The following OPA3 variants were observed in gnomAD, a reference collection of about 807,000 sequenced individuals.
OPA3 encodes the protein outer mitochondrial membrane lipid metabolism regulator OPA3, also known as optic atrophy 3 protein.
In OPA3, 6 loss-of-function variants were observed where a neutral mutation model predicts 4.0. That is an observed-to-expected ratio of 1.51 (90% CI 0.83 to 2.99). The LOEUF is 2.99. OPA3 is among the 30% of genes most tolerant of loss of function. OPA3 has a pLI of 0.00. For missense variants in OPA3, 235 were observed against 256.2 expected (o/e 0.92, Z 0.56); for synonymous variants, 105 against 117.1 (o/e 0.90, Z 0.67).
At chr19:45,572,475 TAATC>T (rs1385747530) in intron 1 of OPA3, among the ~76,000 whole-genome samples, 2 of 133,034 alleles carry the variant, frequency 1.5e-5, no homozygotes, top group Non-Finnish European at 3.2e-5. Context: ...TATCATATAA[TAATC>T]ATATATATCG....
At chr19:45,537,396 C>CAAAAAAAAAAAAAAAA (rs1181396046) in intron 1 of OPA3, among the ~76,000 whole-genome samples, 8 of 28,906 alleles carry the variant, frequency 2.8e-4, no homozygotes, top group Admixed American at 5.6e-4. Context: ...GACTCTGTCT[C>CAAAAAAAAAAAAAAAA]AAAAAAAAAA....
At chr19:45,536,535 T>C (rs1599951044) in intron 1 of OPA3, among the ~76,000 whole-genome samples, 1 of 133,444 alleles carries the variant, frequency 7.5e-6, no homozygotes, top group Non-Finnish European at 1.5e-5. Flanking sequence ...GCGACAAGAG[T>C]GAAACTCTGT....
rs576596522 is a variant in OPA3 at position 45,576,540 on chromosome 19, C to T, written c.142+8083G>A. ...GCAACAAGAATGAAACTCCATCCCC[C>T]CCCCCCCAAAAAAAAAAGTCCAAAA... On this transcript the variant is annotated intron_variant, in intron 1 of 1. Coordinates refer to ENST00000263275, the MANE Select transcript of OPA3 (RefSeq NM_025136.4). Among the ~76,000 whole-genome samples the T allele has an allele frequency of 4.2e-4, 52 of 124,434 alleles. No homozygotes were observed. In the East Asian group the frequency reaches 6.9e-3, roughly 17 times the overall value. The allele number at this position is 124,434 out of a possible 152,430, so 81.6% of individuals were successfully genotyped here.
intron 1 of OPA3, among the ~76,000 whole-genome samples, chr19:45,530,329 G>C (rs966769036): frequency 2.0e-5 from 3 of 152,118 alleles, no homozygotes; most frequent in African/African-American, 7.2e-5. Flanking sequence ...ACTCCAGCCT[G>C]GGAGACAGAG....
At position 45,546,495 on chromosome 19, in the gene OPA3, T is replaced by A; in HGVS notation, c.*7019A>T. On this transcript the variant is annotated 3_prime_UTR_variant, in exon 2 of 2. Coordinates refer to ENST00000263275, the MANE Select transcript of OPA3 (RefSeq NM_025136.4). Reference sequence around the variant, plus strand: ...TATGCACACGATGGATTACATAAACTCTGCTTTTTTTTTTTTTTGAGACAG... The same window carrying A: ...TATGCACACGATGGATTACATAAACACTGCTTTTTTTTTTTTTTGAGACAG... 5.1e-6 allele frequency: 3 copies of A among 593,142 alleles called. No individual in the cohort carries two copies. The highest frequency in any genetic ancestry group is 6.4e-6 in the Non-Finnish European group (3 of 472,350). The allele number at this position is 593,142 out of a possible 1,614,324, so 36.7% of individuals were successfully genotyped here.
chr19:45,573,438 C>T (rs138344713), intron 1 of OPA3, among the ~76,000 whole-genome samples: 3 of 151,972 alleles, frequency 2.0e-5, no homozygotes, highest in East Asian at 1.9e-4. Flanking sequence ...GCAACAAGAG[C>T]GAAACTCTGT....
chr19:45,539,735 C>T (rs1014539068), intron 1 of OPA3, among the ~76,000 whole-genome samples: 19 of 149,226 alleles, frequency 1.3e-4, no homozygotes, highest in Middle Eastern at 3.4e-3. Flanking sequence ...GCCTGGGCGA[C>T]AGAGCCAGAC....
At chr19:45,572,081 G>T (rs1346667026) in intron 1 of OPA3, among the ~76,000 whole-genome samples, 1 of 143,848 alleles carries the variant, frequency 7.0e-6, no homozygotes, top group East Asian at 2.0e-4. Flanking sequence ...CATGGTGGCT[G>T]CTTTTTTCAT....
At chr19:45,528,763 G>A in exon 2 of OPA3, 1 of 383,480 alleles carries the variant, frequency 2.6e-6, no homozygotes, top group Non-Finnish European at 4.7e-6. Flanking sequence ...GATAAAAGAC[G>A]CTGTCTTTCC....
At position 45,547,547 on chromosome 19, in the gene OPA3, TCA is replaced by T. The variant is rs1969268091; in HGVS notation, c.*5965_*5966del. 6.6e-6 allele frequency: 1 copy of T among 152,524 alleles called. No homozygotes were observed. The highest frequency in any genetic ancestry group is 2.4e-5 in the African/African-American group (1 of 41,430). 9.4% of individuals were successfully genotyped at this position (152,524 alleles called of 1,614,324 possible). ...CAAGGCCACATCTGTCCTAGGACTT[TCA>T]CAGATACTCACAGCCCTCTTCCTAT... On this transcript the variant is annotated 3_prime_UTR_variant, in exon 2 of 2. Coordinates refer to ENST00000263275, the MANE Select transcript of OPA3 (RefSeq NM_025136.4).
In OPA3 at chr19:45,548,385, C is replaced by T; in HGVS notation, c.*5129G>A. 1 of 985,562 alleles carries T rather than the reference C, an allele frequency of 1.0e-6. No individual in the cohort carries two copies. Among genetic ancestry groups the T allele is most frequent in the Non-Finnish European group, 1.2e-6 (1 of 830,044 alleles). 61.1% of individuals were successfully genotyped at this position (985,562 alleles called of 1,614,324 possible). ...AGGGCCTGCCAGGAGATGGGAGGGGCACAGCCCTCAGGGCACCTCCCAGGG... is the reference window on the plus strand; with the variant it reads ...AGGGCCTGCCAGGAGATGGGAGGGGTACAGCCCTCAGGGCACCTCCCAGGG... On this transcript the variant is annotated 3_prime_UTR_variant, in exon 2 of 2. Coordinates refer to ENST00000263275, the MANE Select transcript of OPA3 (RefSeq NM_025136.4).
intron 1 of OPA3, among the ~76,000 whole-genome samples, chr19:45,581,249 C>T (rs1375450676): frequency 1.3e-5 from 2 of 152,110 alleles, no homozygotes; most frequent in African/African-American, 4.8e-5. Context: ...CACCAAACAC[C>T]GAACAACCAA....
At chr19:45,536,590 A>G (rs944897813) in intron 1 of OPA3, among the ~76,000 whole-genome samples, 2 of 152,088 alleles carry the variant, frequency 1.3e-5, no homozygotes, top group African/African-American at 4.8e-5. Flanking sequence ...AAGGGCCAAG[A>G]ATAGTAATAC....
intron 1 of OPA3, among the ~76,000 whole-genome samples, chr19:45,581,165 A>G (rs1969849448): frequency 6.6e-6 from 1 of 152,150 alleles, no homozygotes; most frequent in African/African-American, 2.4e-5. Context: ...TGAGATGGCT[A>G]ACAGGAAAGC....
At position 45,551,759 on chromosome 19, in the gene OPA3, C is replaced by A; in HGVS notation, c.*1755G>T. 3.0e-6 allele frequency: 3 copies of A among 985,514 alleles called. No homozygotes were observed. Among genetic ancestry groups the A allele is most frequent in the Non-Finnish European group, 3.6e-6 (3 of 830,016 alleles). 61.0% of individuals were successfully genotyped at this position (985,514 alleles called of 1,614,324 possible). A position where few individuals can be genotyped will look rare whatever the true frequency, so the allele number is the denominator to read the frequency against. On this transcript the variant is annotated 3_prime_UTR_variant, in exon 2 of 2. Coordinates refer to ENST00000263275, the MANE Select transcript of OPA3 (RefSeq NM_025136.4). ...GGGGTGGGACCGGGGGCTATGGAGGCAGGAGGGTACTGCTACATGAAGACA... is the reference window on the plus strand; with the variant it reads ...GGGGTGGGACCGGGGGCTATGGAGGAAGGAGGGTACTGCTACATGAAGACA...
downstream of OPA3, among the ~76,000 whole-genome samples, chr19:45,545,350 G>C (rs1386341191): frequency 6.6e-6 from 1 of 151,732 alleles, no homozygotes; most frequent in Admixed American, 6.6e-5. Flanking sequence ...GCAACATAAA[G>C]AGACCCCCAT....
At chr19:45,577,179 G>T (rs573005689) in intron 1 of OPA3, among the ~76,000 whole-genome samples, 1 of 152,190 alleles carries the variant, frequency 6.6e-6, no homozygotes, top group East Asian at 1.9e-4. Context: ...CCCCAACAGG[G>T]TGCATCATCG....
intron 1 of OPA3, among the ~76,000 whole-genome samples, chr19:45,538,262 C>T (rs1250557898): frequency 4.8e-5 from 7 of 144,750 alleles, no homozygotes; most frequent in East Asian, 2.1e-4. Context: ...TCTTCACACA[C>T]GCACACAAAA....
intron 1 of OPA3, among the ~76,000 whole-genome samples, chr19:45,568,803 T>G (rs8108463): frequency 2.6e-5 from 4 of 151,824 alleles, no homozygotes; most frequent in Non-Finnish European, 5.9e-5. Flanking sequence ...GATGGGGATG[T>G]GACGCAGGGT....
Sources: gnomAD v4.1 joint callset for allele counts (sites outside exome capture counted in the v4.1 genomes callset) on GRCh38, gnomAD v4.1.1 for gene constraint, MANE v1.5 for transcripts, NCBI Gene and HGNC (gene_info 2026-07-23, HGNC 2026-07-21) for gene names.